The following ENOX1 variants were observed in gnomAD, a reference collection of about 807,000 sequenced individuals.
The protein encoded by ENOX1 is candidate growth-related and time keeping constitutive hydroquinone (NADH) oxidase.
Under a neutral mutation model 82.5 loss-of-function variants are expected in ENOX1, and 42 were observed. That is an observed-to-expected ratio of 0.51 (90% CI 0.40 to 0.66). ENOX1 has a LOEUF of 0.66. ENOX1 is among the 30% of genes least tolerant of loss of function. The pLI, the probability that ENOX1 is intolerant of heterozygous loss-of-function variation, is 0.00. For synonymous variants in ENOX1, 271 were observed against 282.2 expected (o/e 0.96, Z 0.40); for missense variants, 608 against 811.6 (o/e 0.75, Z 3.05).
intron 1 of ENOX1, among the ~76,000 whole-genome samples, chr13:43,730,057 G>A (rs1428373657): frequency 6.6e-6 from 1 of 152,160 alleles, no homozygotes; most frequent in Non-Finnish European, 1.5e-5. Context: ...CACCCTGTGG[G>A]GGATCCTCAT....
chr13:43,277,021 T>A (rs914858395), intron 12 of ENOX1, among the ~76,000 whole-genome samples: 1 of 152,144 alleles, frequency 6.6e-6, no homozygotes, highest in African/African-American at 2.4e-5. Context: ...CCTCCCTGCC[T>A]CAGGCATGGT....
intron 1 of ENOX1, among the ~76,000 whole-genome samples, chr13:43,722,041 C>G (rs2088617679): frequency 6.6e-6 from 1 of 152,188 alleles, no homozygotes; most frequent in Admixed American, 6.5e-5. Context: ...TAGAGAAGAA[C>G]TCATCAAAAG....
At chr13:43,696,668 T>C (rs2086654830) in intron 1 of ENOX1, among the ~76,000 whole-genome samples, 1 of 152,090 alleles carries the variant, frequency 6.6e-6, no homozygotes. Flanking sequence ...TGGGTTTTGA[T>C]ATGATATAGC....
At chr13:43,632,154 A>G (rs561618612) in intron 2 of ENOX1, among the ~76,000 whole-genome samples, 2 of 152,240 alleles carry the variant, frequency 1.3e-5, no homozygotes, top group East Asian at 3.9e-4. Flanking sequence ...TACTGATTAT[A>G]TTAACCCTAT....
At chr13:43,332,452 G>C (rs1340121846) in intron 9 of ENOX1, among the ~76,000 whole-genome samples, 1 of 152,180 alleles carries the variant, frequency 6.6e-6, no homozygotes, top group Non-Finnish European at 1.5e-5. Flanking sequence ...GTTCCTAACA[G>C]GCCATGGACA....
intron 1 of ENOX1, among the ~76,000 whole-genome samples, chr13:43,685,873 A>AACACACACAC (rs60259011): frequency 0.022 from 3,068 of 141,478 alleles, 85 homozygotes; most frequent in African/African-American, 0.063. Flanking sequence ...CCCAGAAGGA[A>AACACACACAC]ACACACACAC....
At chr13:43,465,031 CA>C in intron 3 of ENOX1, among the ~76,000 whole-genome samples, 1 of 152,276 alleles carries the variant, frequency 6.6e-6, no homozygotes, top group Middle Eastern at 3.4e-3. Flanking sequence ...CACATCACAT[CA>C]GGGGGCAGGC....
In ENOX1 at chr13:43,719,010, T is replaced by C. The variant is rs1423033741; in HGVS notation, c.-284-51466A>G. Among the ~76,000 whole-genome samples, 3 of 152,268 alleles carry C rather than the reference T, an allele frequency of 2.0e-5. No homozygotes were observed. The East Asian group carries it at 5.8e-4, about 29-fold the overall frequency. Reference sequence around the variant, plus strand: ...AAAATTATCGTCATCCTGTAATTTATTTTTCCTACCACTATTCTTCTCCAT... The same window carrying C: ...AAAATTATCGTCATCCTGTAATTTACTTTTCCTACCACTATTCTTCTCCAT... On this transcript the variant is annotated intron_variant, in intron 1 of 16. Coordinates refer to ENST00000690772, the MANE Select transcript of ENOX1 (RefSeq NM_001347969.2).
intron 3 of ENOX1, among the ~76,000 whole-genome samples, chr13:43,447,090 G>T (rs1330969813): frequency 6.6e-6 from 1 of 152,202 alleles, no homozygotes; most frequent in Non-Finnish European, 1.5e-5. Context: ...CTAGAGTAAT[G>T]CCTGGTACAA....
chr13:43,572,872 G>A (rs2080245693), intron 2 of ENOX1, among the ~76,000 whole-genome samples: 1 of 152,172 alleles, frequency 6.6e-6, no homozygotes, highest in African/African-American at 2.4e-5. Context: ...GCCAGTTCTT[G>A]CCATTTTCAC....
At chr13:43,411,714 G>A (rs2054137686) in intron 5 of ENOX1, among the ~76,000 whole-genome samples, 1 of 152,216 alleles carries the variant, frequency 6.6e-6, no homozygotes, top group African/African-American at 2.4e-5. Context: ...AACAGTTAGT[G>A]TGGCTTTTTC....
intron 3 of ENOX1, among the ~76,000 whole-genome samples, chr13:43,445,896 C>T (rs1447109237): frequency 2.0e-5 from 3 of 152,172 alleles, no homozygotes; most frequent in African/African-American, 4.8e-5. Context: ...CAGACATAAA[C>T]CTGGGAGTTC....
chr13:43,620,626 G>T (rs946212353), intron 2 of ENOX1, among the ~76,000 whole-genome samples: 1 of 151,924 alleles, frequency 6.6e-6, no homozygotes, highest in East Asian at 1.9e-4. Context: ...ATATAATTTC[G>T]ATTTTCTTAA....
chr13:43,307,704 C>T (rs1401935813), intron 11 of ENOX1, among the ~76,000 whole-genome samples: 1 of 152,218 alleles, frequency 6.6e-6, no homozygotes, highest in East Asian at 1.9e-4. Context: ...TACCTCCTGC[C>T]TCTCCAGGAA....
At chr13:43,643,327 A>C (rs1224554620) in intron 2 of ENOX1, among the ~76,000 whole-genome samples, 1 of 152,206 alleles carries the variant, frequency 6.6e-6, no homozygotes, top group Non-Finnish European at 1.5e-5. Flanking sequence ...CAGATCCAGC[A>C]CAGCACCCTG....
Position 43,213,862 on chromosome 13 carries a change from T to C in ENOX1, c.*128A>G. On this transcript the variant is annotated 3_prime_UTR_variant, in exon 17 of 17. Coordinates refer to ENST00000690772, the MANE Select transcript of ENOX1 (RefSeq NM_001347969.2). ...TACAAGAGAACGCCACAGATATAAC[T>C]AAAGGCAGGCTTCGATGGCTCCACA... The C allele has an allele frequency of 9.8e-7, 1 of 1,019,242 alleles. No homozygotes were observed. The allele number at this position is 1,019,242 out of a possible 1,614,324, so 63.1% of individuals were successfully genotyped here. A position where few individuals can be genotyped will look rare whatever the true frequency, so the allele number is the denominator to read the frequency against.
intron 2 of ENOX1, among the ~76,000 whole-genome samples, chr13:43,617,267 C>A (rs1404107504): frequency 6.6e-6 from 1 of 152,192 alleles, no homozygotes; most frequent in Non-Finnish European, 1.5e-5. Flanking sequence ...AATGAAGCTG[C>A]TATGGATATC....
chr13:43,598,584 C>T (rs1012137246), intron 2 of ENOX1, among the ~76,000 whole-genome samples: 8 of 151,992 alleles, frequency 5.3e-5, no homozygotes, highest in Non-Finnish European at 2.9e-5. Flanking sequence ...TGCCAGTGCC[C>T]TCCAGTCTCT....
At chr13:43,257,027 G>C (rs1244432810) in intron 14 of ENOX1, among the ~76,000 whole-genome samples, 4 of 152,204 alleles carry the variant, frequency 2.6e-5, no homozygotes, top group African/African-American at 4.8e-5. Flanking sequence ...GAAACTGGAG[G>C]TGATTACGTA....
Sources: gnomAD v4.1 joint callset for allele counts (sites outside exome capture counted in the v4.1 genomes callset) on GRCh38, gnomAD v4.1.1 for gene constraint, MANE v1.5 for transcripts, NCBI Gene and HGNC (gene_info 2026-07-23, HGNC 2026-07-21) for gene names.